ABCA4: variants seen among roughly 807,000 people sequenced by gnomAD.
ABCA4 encodes retinal-specific phospholipid-transporting ATPase ABCA4.
ABCA4 carries 196 observed loss-of-function variants against 263.7 expected under a neutral mutation model. The ratio of observed to expected loss-of-function variants is 0.74; its 90% CI spans 0.66 to 0.84. The LOEUF (loss-of-function observed/expected upper bound fraction) is 0.84, where lower values mean the gene tolerates loss of function less well. ABCA4 is among the 40% of genes least tolerant of loss of function. ABCA4 has a pLI of 0.00. For missense variants in ABCA4, 2,792 were observed against 2,855.1 expected, an observed-to-expected ratio of 0.98 and a Z score of 0.50; for synonymous variants, 1,133 against 1,094.2, an observed-to-expected ratio of 1.04 and a Z score of -0.70.
At chr1:94,011,131 G>GGGCCA (rs1557763818) in intron 39 of ABCA4, 131 bp downstream of exon 39, 5 of 1,561,288 alleles carry the variant, frequency 3.2e-6, no homozygotes, top group Non-Finnish European at 4.4e-6. Context: ...CCAGCTGGCA[G>GGGCCA]GACACCTCCA....
At position 94,013,290 on chromosome 1, in the gene ABCA4, C is replaced by T. The variant is rs538635064; in HGVS notation, c.5460+1253G>A. ...ATCATTCATGGGACAGATGAGGCTT[C>T]GTTACTTGCCTAGCAGCCACGAAAC... is the stretch of plus-strand genomic sequence containing the variant. On this transcript the variant is annotated intron_variant, in intron 38 of 49. Transcript: ENST00000370225. 1.8e-4 allele frequency among the ~76,000 whole-genome samples: 27 copies of T among 152,202 alleles called. No homozygotes were observed. In the South Asian group the frequency reaches 4.1e-3, roughly 23 times the overall value.
chr1:94,102,355 C>T (rs1158069636), intron 5 of ABCA4, among the ~76,000 whole-genome samples: 1 of 152,036 alleles, frequency 6.6e-6, no homozygotes, highest in African/African-American at 2.4e-5. Context: ...TCTGTAGCCT[C>T]GGGACGCCAC....
At chr1:94,087,609 C>T (rs543478485) in intron 6 of ABCA4, among the ~76,000 whole-genome samples, 4 of 152,232 alleles carry the variant, frequency 2.6e-5, no homozygotes, top group African/African-American at 9.6e-5. Flanking sequence ...CAGGCATATG[C>T]TGGGGATGAA....
chr1:94,073,376 C>T (rs557272250), intron 11 of ABCA4, among the ~76,000 whole-genome samples: 3 of 152,302 alleles, frequency 2.0e-5, no homozygotes, highest in South Asian at 2.1e-4. Context: ...CTGGCGGCCC[C>T]GGAGGATGTG....
chr1:94,044,110 C>A (rs56161382), intron 20 of ABCA4, among the ~76,000 whole-genome samples: 1 of 3,550 alleles, frequency 2.8e-4, no homozygotes, highest in African/African-American at 3.0e-4. Context: ...TCCTTCCTTC[C>A]TTCCTTCCTT....
chr1:94,080,312 C>G (rs144085043), intron 8 of ABCA4, among the ~76,000 whole-genome samples, 166 bp downstream of exon 8: 1 of 152,174 alleles, frequency 6.6e-6, no homozygotes, highest in African/African-American at 2.4e-5. Flanking sequence ...AGCAATGCCC[C>G]CTTTCTGCAA....
chr1:94,030,501 A>G lies in ABCA4; in HGVS notation c.4279T>C (p.Phe1427Leu). Residue 1427 changes from phenylalanine to leucine, a missense_variant, in exon 29 of 50, where the codon TTC (phenylalanine) becomes CTC (leucine). Transcript: ENST00000370225. ...AGGAGGACGTCTGCAAGTACCGTGA[A>G]CTGCTCACTGCCTGGTTCATCCATG... Reference protein sequence around the residue: ...FSMDEPGSEQFTVLADVLLNK... With the variant: ...FSMDEPGSEQLTVLADVLLNK... The G allele has an allele frequency of 6.2e-7, 1 of 1,614,206 alleles. No homozygotes were observed. Among genetic ancestry groups the G allele is most frequent in the East Asian group, 2.2e-5 (1 of 44,880 alleles).
chr1:94,018,400 C>T (rs1041281035), intron 36 of ABCA4, among the ~76,000 whole-genome samples: 4 of 152,230 alleles, frequency 2.6e-5, no homozygotes, highest in Non-Finnish European at 4.4e-5. Context: ...CAAAGAAAGG[C>T]TTTCAGGTTC....
intron 13 of ABCA4, among the ~76,000 whole-genome samples, chr1:94,061,596 G>A (rs1187773706): frequency 6.6e-6 from 1 of 152,156 alleles, no homozygotes; most frequent in Non-Finnish European, 1.5e-5. Flanking sequence ...ATGCACTTCT[G>A]GGACTAGCCA....
intron 48 of ABCA4, 27 bp downstream of exon 48, chr1:93,997,834 G>A (rs779013475): frequency 6.2e-7 from 1 of 1,613,664 alleles, no homozygotes; most frequent in Non-Finnish European, 8.5e-7. Context: ...TCTTTGCTCA[G>A]CTCTCGGTGC....
Position 94,080,037 on chromosome 1 carries a change from G to T in ABCA4, c.1099+441C>A, listed in dbSNP as rs562307698. Among the ~76,000 whole-genome samples, 57 of 151,958 alleles carry T rather than the reference G, an allele frequency of 3.8e-4. 1 individual carries two copies. In the South Asian group the frequency reaches 0.012, roughly 31 times the overall value. ...AAAGGTGGGGAAGATGATTTGCCAG[G>T]AATTTGCCATTTGGAATGTAATTCA... On this transcript the variant is annotated intron_variant, in intron 8 of 49. Coordinates refer to ENST00000370225, the MANE Select transcript of ABCA4 (RefSeq NM_000350.3).
intron 6 of ABCA4, among the ~76,000 whole-genome samples, chr1:94,094,224 A>C (rs570954632): frequency 2.0e-5 from 3 of 152,326 alleles, no homozygotes; most frequent in African/African-American, 7.2e-5. Flanking sequence ...CCAATGACCC[A>C]GGAGAGCAGC....
intron 19 of ABCA4, among the ~76,000 whole-genome samples, chr1:94,046,517 C>CCATGCA (rs1349396145): frequency 6.6e-6 from 1 of 150,580 alleles, no homozygotes; most frequent in Non-Finnish European, 1.5e-5. Context: ...TCTATAGCTT[C>CCATGCA]CATGCACATG....
At chr1:94,044,312 G>A (rs1211433586) in intron 20 of ABCA4, among the ~76,000 whole-genome samples, 2 of 152,220 alleles carry the variant, frequency 1.3e-5, no homozygotes, top group Non-Finnish European at 2.9e-5. Context: ...CAGAGAGGAA[G>A]TACTTCAGGG....
intron 20 of ABCA4, among the ~76,000 whole-genome samples, chr1:94,044,031 C>T (rs1660595877): frequency 6.6e-6 from 1 of 150,840 alleles, no homozygotes; most frequent in African/African-American, 2.5e-5. Context: ...TTCCTCCCTC[C>T]TGTTCCCTTC....
chr1:94,001,299 C>A (rs767227190), intron 45 of ABCA4, among the ~76,000 whole-genome samples, 194 bp from the exon 46 acceptor site: 5 of 152,176 alleles, frequency 3.3e-5, no homozygotes, highest in Non-Finnish European at 2.9e-5. Context: ...AGTAAAGAAG[C>A]GTGGCGTCCA....
chr1:94,097,557 G>A (rs1392504562), intron 6 of ABCA4, among the ~76,000 whole-genome samples: 1 of 152,166 alleles, frequency 6.6e-6, no homozygotes, highest in African/African-American at 2.4e-5. Flanking sequence ...TATTATATAT[G>A]CCACCTTCTC....
chr1:94,006,741 A>C (rs902643470), intron 43 of ABCA4, among the ~76,000 whole-genome samples: 6 of 152,230 alleles, frequency 3.9e-5, no homozygotes, highest in Non-Finnish European at 5.9e-5. Context: ...CGTCCTGCCC[A>C]CTGGGCATTG....
intron 17 of ABCA4, among the ~76,000 whole-genome samples, chr1:94,049,506 C>A (rs1195468616): frequency 3.3e-5 from 5 of 152,126 alleles, no homozygotes. Context: ...CACCTGTAAT[C>A]CCAGCTACTT....
Sources: gnomAD v4.1 joint callset for allele counts (sites outside exome capture counted in the v4.1 genomes callset) on GRCh38, gnomAD v4.1.1 for gene constraint, MANE v1.5 for transcripts, NCBI Gene and HGNC (gene_info 2026-07-23, HGNC 2026-07-21) for gene names.